Variants in TNIK observed in about 807,000 individuals in gnomAD.
TNIK encodes the protein TRAF2 and NCK interacting kinase.
TNIK carries 49 observed loss-of-function variants against 191.3 expected under a neutral mutation model. That is an observed-to-expected ratio of 0.26 (90% CI 0.20 to 0.32). The LOEUF (loss-of-function observed/expected upper bound fraction) is 0.32. Ranked by LOEUF, TNIK falls within the 10% of genes least tolerant of loss-of-function variation. The pLI is 1.00. For missense variants in TNIK, 1,155 were observed against 1,702.3 expected, an observed-to-expected ratio of 0.68 and a Z score of 5.66; for synonymous variants, 594 against 600.9, an observed-to-expected ratio of 0.99 and a Z score of 0.17.
intron 1 of TNIK, among the ~76,000 whole-genome samples, chr3:171,450,012 G>A (rs1310621814): frequency 6.6e-6 from 1 of 151,740 alleles, no homozygotes; most frequent in Non-Finnish European, 1.5e-5. Context: ...CTCCAGCCTG[G>A]GTGATGAAGT....
Position 171,159,696 on chromosome 3 carries a change from T to A in TNIK, c.1016+1574A>T, listed in dbSNP as rs1733718920. 6.6e-6 allele frequency among the ~76,000 whole-genome samples: 1 copy of A among 152,230 alleles called. No homozygotes were observed. The highest frequency in any genetic ancestry group is 1.5e-5 in the Non-Finnish European group (1 of 68,048). ...CTGTGTTAGTGACTCAACCATTAAC[T>A]CTGTGTGTGACCTGGGTGCAACCCT... On this transcript the variant is annotated intron_variant, in intron 11 of 32. Coordinates refer to ENST00000436636, the MANE Select transcript of TNIK (RefSeq NM_015028.4). The surrounding 1 kb of genome is among the most constrained non-coding windows in gnomAD (Gnocchi z 4.1).
intron 2 of TNIK, among the ~76,000 whole-genome samples, chr3:171,248,776 C>T (rs796382265): frequency 1.1e-4 from 17 of 152,290 alleles, no homozygotes; most frequent in African/African-American, 4.1e-4. Context: ...CAATATTATA[C>T]CATTTTACAA....
At chr3:171,121,575 G>A (rs1344741201) in intron 18 of TNIK, among the ~76,000 whole-genome samples, 1 of 152,210 alleles carries the variant, frequency 6.6e-6, no homozygotes, top group Non-Finnish European at 1.5e-5. Flanking sequence ...TCTGCTCAGT[G>A]CAACTGCACG....
chr3:171,167,012 C>G, intron 10 of TNIK, 83 bp downstream of exon 10: 1 of 1,485,552 alleles, frequency 6.7e-7, no homozygotes, highest in Non-Finnish European at 9.0e-7. Flanking sequence ...TTGAAATCCC[C>G]ATAGTCACCT....
At chr3:171,252,064 G>A (rs1399495318) in intron 2 of TNIK, among the ~76,000 whole-genome samples, 7 of 130,484 alleles carry the variant, frequency 5.4e-5, no homozygotes, top group African/African-American at 5.8e-5. Context: ...TCTGGTATGC[G>A]TGTGTGTGTG....
At chr3:171,152,866 G>A (rs974881746) in intron 12 of TNIK, among the ~76,000 whole-genome samples, 1 of 151,862 alleles carries the variant, frequency 6.6e-6, no homozygotes, top group Non-Finnish European at 1.5e-5. Context: ...CCGCCTCCCG[G>A]GTTCATGCCA....
chr3:171,343,794 T>G (rs1304673193), intron 2 of TNIK, among the ~76,000 whole-genome samples: 1 of 152,192 alleles, frequency 6.6e-6, no homozygotes, highest in East Asian at 1.9e-4. Context: ...TCCAAATCAA[T>G]GTATCATCAC....
At chr3:171,322,422 A>G (rs1311457744) in intron 2 of TNIK, among the ~76,000 whole-genome samples, 4 of 152,140 alleles carry the variant, frequency 2.6e-5, no homozygotes, top group African/African-American at 9.7e-5. Context: ...TGACACTCCC[A>G]ATTTTCACAG....
rs527673361 is a variant in TNIK at position 171,166,759 on chromosome 3, T to C, written c.949+336A>G. On this transcript the variant is annotated intron_variant, in intron 10 of 32. Transcript: ENST00000436636. ...TGAATTTTTTTCTTTAGGTTATCTGTCTTCTGTAGAGTTTTAGTCTTCTAA... is the reference window on the plus strand; with the variant it reads ...TGAATTTTTTTCTTTAGGTTATCTGCCTTCTGTAGAGTTTTAGTCTTCTAA... Among the ~76,000 whole-genome samples the C allele has an allele frequency of 8.5e-5, 13 of 152,344 alleles. No individual in the cohort carries two copies. In the South Asian group the frequency reaches 2.7e-3, roughly 32 times the overall value.
At chr3:171,426,149 C>T (rs1437980457) in intron 1 of TNIK, among the ~76,000 whole-genome samples, 1 of 151,946 alleles carries the variant, frequency 6.6e-6, no homozygotes, top group Non-Finnish European at 1.5e-5. Flanking sequence ...AGACTTGGAA[C>T]CAACCCAAAT....
At chr3:171,314,584 C>T (rs1269880688) in intron 2 of TNIK, among the ~76,000 whole-genome samples, 1 of 152,136 alleles carries the variant, frequency 6.6e-6, no homozygotes, top group Non-Finnish European at 1.5e-5. Context: ...TAAGTCAGTT[C>T]TAGTAATTTC....
intron 2 of TNIK, among the ~76,000 whole-genome samples, chr3:171,309,862 G>T (rs1190449341): frequency 6.6e-6 from 1 of 152,096 alleles, no homozygotes; most frequent in Non-Finnish European, 1.5e-5. Flanking sequence ...TTCACCAGTA[G>T]CCCAGACTTT....
chr3:171,149,748 C>T (rs889976885), intron 12 of TNIK, among the ~76,000 whole-genome samples: 8 of 152,174 alleles, frequency 5.3e-5, no homozygotes, highest in African/African-American at 1.9e-4. Context: ...GGATGGTTCC[C>T]AGCTGTTTCA....
chr3:171,168,382 C>T (rs6789167), intron 9 of TNIK, among the ~76,000 whole-genome samples: 121,113 of 152,034 alleles, frequency 0.8, 48,915 homozygotes, highest in African/African-American at 0.93. Flanking sequence ...GATCCCAGGA[C>T]TGAGCCTTTG....
intron 1 of TNIK, among the ~76,000 whole-genome samples, chr3:171,433,951 T>C (rs1055984741): frequency 7.3e-6 from 1 of 137,272 alleles, no homozygotes; most frequent in Admixed American, 7.3e-5. Flanking sequence ...TTTTTTTTTT[T>C]TTTTTTTTTT....
chr3:171,243,887 GAA>G (rs1745270565), intron 2 of TNIK, among the ~76,000 whole-genome samples: 2 of 151,948 alleles, frequency 1.3e-5, no homozygotes, highest in Admixed American at 6.6e-5. Flanking sequence ...AATAATTAAA[GAA>G]AAATCGTGAG....
At chr3:171,271,342 G>T (rs753694629) in intron 2 of TNIK, among the ~76,000 whole-genome samples, 1 of 152,104 alleles carries the variant, frequency 6.6e-6, no homozygotes, top group African/African-American at 2.4e-5. Flanking sequence ...TAAACATCAA[G>T]TTCAAGCTCC....
intron 22 of TNIK, among the ~76,000 whole-genome samples, chr3:171,094,595 A>G (rs905759895): frequency 3.9e-5 from 6 of 152,136 alleles, no homozygotes. Context: ...CAGGCTCTGC[A>G]TGATCTCCCC....
intron 3 of TNIK, among the ~76,000 whole-genome samples, chr3:171,213,631 A>ACTG (rs1246957982): frequency 6.6e-6 from 1 of 152,188 alleles, no homozygotes; most frequent in Non-Finnish European, 1.5e-5. Context: ...AATCCAAAAT[A>ACTG]AATAGTACTG....
Sources: gnomAD v4.1 joint callset for allele counts (sites outside exome capture counted in the v4.1 genomes callset) on GRCh38, gnomAD v4.1.1 for gene constraint, Gnocchi (gnomAD v3.1) non-coding constraint, MANE v1.5 for transcripts, NCBI Gene and HGNC (gene_info 2026-07-23, HGNC 2026-07-21) for gene names.